SH2D5: variants seen among roughly 807,000 people sequenced by gnomAD.
SH2D5 encodes SH2 domain containing 5.
Under a neutral mutation model 48.2 loss-of-function variants are expected in SH2D5, and 45 were observed. The observed-to-expected ratio is 0.93, with a 90% CI of 0.73 to 1.20. The LOEUF is 1.20. Among genes scored for constraint, SH2D5 ranks in the 50% most tolerant of loss-of-function variants. SH2D5 has a pLI of 0.00. For synonymous variants in SH2D5, 230 were observed against 249.8 expected (o/e 0.92, Z 0.75); for missense variants, 538 against 584.1 (o/e 0.92, Z 0.81).
chr1:20,725,579 A>T (rs1021228113), intron 5 of SH2D5, among the ~76,000 whole-genome samples: 1 of 152,146 alleles, frequency 6.6e-6, no homozygotes, highest in Non-Finnish European at 1.5e-5. Flanking sequence ...CGGGGTTCAG[A>T]CACATGGGCT....
rs975024661 is a variant in SH2D5 at position 20,732,120 on chromosome 1, C to T, written c.-43+61G>A. ...CCCCCGACCCCGGTCCCCGCGCCCCCACACGTGGCCGCGGGAACCGACCCC... is the reference window on the plus strand; with the variant it reads ...CCCCCGACCCCGGTCCCCGCGCCCCTACACGTGGCCGCGGGAACCGACCCC... On this transcript the variant is annotated intron_variant, in intron 1 of 9. Transcript: ENST00000444387. The surrounding 1 kb of genome is among the most constrained non-coding windows in gnomAD (Gnocchi z 5.1). 3 of 151,998 alleles carry T rather than the reference C, an allele frequency of 2.0e-5. No individual in the cohort carries two copies. Among genetic ancestry groups the T allele is most frequent in the Admixed American group, 2.0e-4 (3 of 15,224 alleles). The allele number at this position is 151,998 out of a possible 1,614,324, so 9.4% of individuals were successfully genotyped here.
Position 20,721,696 on chromosome 1 carries a change from G to A in SH2D5, c.*96C>T. 1 of 1,193,076 alleles carries A rather than the reference G, an allele frequency of 8.4e-7. No individual in the cohort carries two copies. The highest frequency in any genetic ancestry group is 1.1e-6 in the Non-Finnish European group (1 of 875,718). The allele number at this position is 1,193,076 out of a possible 1,614,324, so 73.9% of individuals were successfully genotyped here. On this transcript the variant is annotated 3_prime_UTR_variant, in exon 10 of 10. Transcript: ENST00000444387. ...TGCTCCAAGGGCAGGGTGACTGGATGGAACTGGCAACCAGAGGGGTGCAGG... is the reference window on the plus strand; with the variant it reads ...TGCTCCAAGGGCAGGGTGACTGGATAGAACTGGCAACCAGAGGGGTGCAGG...
At chr1:20,727,427 C>G in intron 3 of SH2D5, 96 bp downstream of exon 3, 1 of 1,220,480 alleles carries the variant, frequency 8.2e-7, no homozygotes, top group South Asian at 1.3e-5. Context: ...TGTCCTGCCC[C>G]TCTCTAACTG....
Position 20,732,569 on chromosome 1 carries a change from G to C in SH2D5, c.-431C>G, listed in dbSNP as rs565131620. On this transcript the variant is annotated 5_prime_UTR_variant, in exon 1 of 10. Transcript: ENST00000444387. The surrounding 1 kb of genome is among the most constrained non-coding windows in gnomAD (Gnocchi z 5.1). Reference sequence around the variant, plus strand: ...AGTGACACTGGACCGGAGTGTCTCCGTTCCCAGTGTGAAGGATCGAGCCTG... The same window carrying C: ...AGTGACACTGGACCGGAGTGTCTCCCTTCCCAGTGTGAAGGATCGAGCCTG... The C allele has an allele frequency of 6.6e-6, 1 of 152,440 alleles. No individual in the cohort carries two copies. Among genetic ancestry groups the C allele is most frequent in the East Asian group, 1.9e-4 (1 of 5,178 alleles). 9.4% of individuals were successfully genotyped at this position (152,440 alleles called of 1,614,324 possible).
rs1289469813 is a variant in SH2D5, at chr1:20,720,097, G to A, written c.*1695C>T. ...GGCTGTAATCCTAGACCCAGGACAT[G>A]GCTAAACCTCTCTCTCCTTGCCAGG... On this transcript the variant is annotated 3_prime_UTR_variant, in exon 10 of 10. Coordinates refer to ENST00000444387, the MANE Select transcript of SH2D5 (RefSeq NM_001103161.2). The A allele has an allele frequency of 6.6e-6, 1 of 152,286 alleles. No homozygotes were observed. Among genetic ancestry groups the A allele is most frequent in the Non-Finnish European group, 1.5e-5 (1 of 68,088 alleles). 9.4% of individuals were successfully genotyped at this position (152,286 alleles called of 1,614,324 possible).
At position 20,727,591 on chromosome 1, in the gene SH2D5, AG is replaced by A; in HGVS notation, c.99del (p.Phe34SerfsTer22). 6.2e-7 allele frequency: 1 copy of A among 1,610,066 alleles called. No individual in the cohort carries two copies. The highest frequency in any genetic ancestry group is 8.5e-7 in the Non-Finnish European group (1 of 1,178,782). On this transcript the variant is annotated frameshift_variant, in exon 3 of 10. Coordinates refer to ENST00000444387, the MANE Select transcript of SH2D5 (RefSeq NM_001103161.2). LOFTEE classifies it high-confidence loss of function. ...CITKFAQYVG[S>X]FPVDDLDTQE... ...TGGGTGTCCAGGTCATCCACAGGGA[AG>A]GAGCCCACGTACTGCTCGGCAGTGG...
At chr1:20,726,766 C>T (rs901513761) in intron 4 of SH2D5, among the ~76,000 whole-genome samples, 7 of 152,090 alleles carry the variant, frequency 4.6e-5, no homozygotes, top group African/African-American at 1.4e-4. Flanking sequence ...GAGGTGGCCC[C>T]AGAGGGATTC....
chr1:20,727,134 C>T, intron 3 of SH2D5, 59 bp from the exon 4 acceptor site: 3 of 1,453,252 alleles, frequency 2.1e-6, no homozygotes, highest in Non-Finnish European at 2.8e-6. Context: ...CTTGGCCTGC[C>T]CAGCCTCAGG....
Position 20,720,338 on chromosome 1 carries a change from CCT to C in SH2D5, c.*1452_*1453del, listed in dbSNP as rs2054662140. On this transcript the variant is annotated 3_prime_UTR_variant, in exon 10 of 10. Transcript: ENST00000444387. Reference sequence around the variant, plus strand: ...AAGTTACAAGGTCCCAGGCCAAGCCCCTCTCCTCACGGGAGGGTTGGAGGTGG... The same window carrying C: ...AAGTTACAAGGTCCCAGGCCAAGCCCCTCCTCACGGGAGGGTTGGAGGTGG... 1 of 152,242 alleles carries C rather than the reference CCT, an allele frequency of 6.6e-6. No homozygotes were observed. The highest frequency in any genetic ancestry group is 2.1e-4 in the South Asian group (1 of 4,836). 9.4% of individuals were successfully genotyped at this position (152,242 alleles called of 1,614,324 possible).
rs1363082171 is a variant in SH2D5, at chr1:20,721,897, G to T, written c.1167C>A (p.Asn389Lys). The change falls in exon 10 of 10, where the codon AAC becomes AAA. Residue 389 changes from asparagine (N) to lysine (K), a missense_variant. Transcript: ENST00000444387. ...LFCPLDMGRLNPTYEEQDCGP... is the reference protein window; with the variant it reads ...LFCPLDMGRLKPTYEEQDCGP... ...CACAGTCCTGCTCCTCGTAGGTGGG[G>T]TTCAGGCGGCCCATGTCGAGGGGAC... 1 of 1,613,186 alleles carries T rather than the reference G, an allele frequency of 6.2e-7. No homozygotes were observed. The highest frequency in any genetic ancestry group is 8.5e-7 in the Non-Finnish European group (1 of 1,179,972).
intron 5 of SH2D5, 24 bp from the exon 6 acceptor site, chr1:20,724,659 G>A: frequency 6.6e-7 from 1 of 1,519,514 alleles, no homozygotes; most frequent in Non-Finnish European, 8.8e-7. Context: ...AGAGAGGTGG[G>A]CTCAGCTGGA....
In SH2D5 at chr1:20,721,647, A is replaced by G; in HGVS notation, c.*145T>C. On this transcript the variant is annotated 3_prime_UTR_variant, in exon 10 of 10. Transcript: ENST00000444387. ...TACCCACCCTCAGGGCTCCCCTCCC[A>G]CGGACAGTGACGCGATGGAAGACTG... The G allele has an allele frequency of 1.4e-6, 1 of 734,970 alleles. No homozygotes were observed. The highest frequency in any genetic ancestry group is 2.4e-5 in the South Asian group (1 of 41,206). 45.5% of individuals were successfully genotyped at this position (734,970 alleles called of 1,614,324 possible).
Position 20,728,076 on chromosome 1 carries a change from G to A in SH2D5, c.-32C>T, listed in dbSNP as rs567299939. Reference sequence around the variant, plus strand: ...CAGGGTGCCTGGCTTCCAGCTCCACGGGAGGGGAGGCTGCAAAGGGCAGGG... The same window carrying A: ...CAGGGTGCCTGGCTTCCAGCTCCACAGGAGGGGAGGCTGCAAAGGGCAGGG... On this transcript the variant is annotated 5_prime_UTR_variant, in exon 2 of 10. Coordinates refer to ENST00000444387, the MANE Select transcript of SH2D5 (RefSeq NM_001103161.2). This position sits in a 1 kb window ranked among gnomAD's most constrained non-coding sequence, Gnocchi z 4.3. 15 of 1,471,668 alleles carry A rather than the reference G, an allele frequency of 1.0e-5. No individual in the cohort carries two copies. The highest frequency in any genetic ancestry group is 1.8e-4 in the Middle Eastern group (1 of 5,516). The allele number at this position is 1,471,668 out of a possible 1,614,324, so 91.2% of individuals were successfully genotyped here.
intron 1 of SH2D5, among the ~76,000 whole-genome samples, chr1:20,730,277 G>A (rs867671163): frequency 1.4e-5 from 2 of 145,840 alleles, no homozygotes; most frequent in South Asian, 2.2e-4. Context: ...GTGGGGAGGA[G>A]AGGGGAAGGG....
At chr1:20,725,339 G>T (rs1339700069) in intron 5 of SH2D5, among the ~76,000 whole-genome samples, 1 of 152,222 alleles carries the variant, frequency 6.6e-6, no homozygotes, top group Non-Finnish European at 1.5e-5. Context: ...CCCAGCGTCT[G>T]CCTGCCAAGC....
chr1:20,724,176 G>T lies in SH2D5; in HGVS notation c.706C>A (p.Arg236Ser). Residue 236 changes from arginine to serine, a missense_variant, in exon 7 of 10, where the codon CGC becomes AGC. Physicochemically the swap from Arg to Ser is moderately radical, Grantham distance 110. Coordinates refer to ENST00000444387, the MANE Select transcript of SH2D5 (RefSeq NM_001103161.2). ...GNPYCSPTLV[R>S]KKAIRSKVIR... ...ACCTTGCTGCGAATGGCCTTCTTGC[G>T]CACCAGCGTGGGCGAGCAGTAGGGA... 3.1e-6 allele frequency: 5 copies of T among 1,613,028 alleles called. No individual in the cohort carries two copies. Among genetic ancestry groups the T allele is most frequent in the Non-Finnish European group, 4.2e-6 (5 of 1,180,004 alleles).
chr1:20,725,258 T>C (rs2054773081), intron 5 of SH2D5, among the ~76,000 whole-genome samples: 1 of 152,228 alleles, frequency 6.6e-6, no homozygotes, highest in Admixed American at 6.5e-5. Context: ...CTCAGCCACG[T>C]GTCACCCCAG....
intron 1 of SH2D5, chr1:20,731,293 G>C (rs1394146975): frequency 1.3e-5 from 2 of 152,664 alleles, no homozygotes; most frequent in East Asian, 3.8e-4. Flanking sequence ...ACCTGCCCTG[G>C]GCCACAGGGT....
intron 5 of SH2D5, 68 bp downstream of exon 5, chr1:20,725,852 C>A: frequency 6.3e-6 from 10 of 1,582,346 alleles, no homozygotes; most frequent in Non-Finnish European, 8.6e-6. Flanking sequence ...CTCAAGGAAC[C>A]CACCCTGATG....
Sources: gnomAD v4.1 joint callset for allele counts (sites outside exome capture counted in the v4.1 genomes callset) on GRCh38, gnomAD v4.1.1 for gene constraint, Gnocchi (gnomAD v3.1) non-coding constraint, MANE v1.5 for transcripts, NCBI Gene and HGNC (gene_info 2026-07-23, HGNC 2026-07-21) for gene names.